Variants in MYT1 observed in about 807,000 individuals in gnomAD.
MYT1 encodes myelin transcription factor I.
A neutral mutation model predicts 123.0 loss-of-function variants in MYT1; 23 were observed. The observed-to-expected ratio is 0.19, with a 90% CI of 0.13 to 0.26. The LOEUF is 0.26. Ranked by LOEUF, MYT1 falls within the 10% of genes least tolerant of loss-of-function variation. The pLI, the probability that MYT1 is intolerant of heterozygous loss-of-function variation, is 1.00. For missense variants in MYT1, 1,125 were observed against 1,472.5 expected, an observed-to-expected ratio of 0.76 and a Z score of 3.86; for synonymous variants, 518 against 575.3, an observed-to-expected ratio of 0.90 and a Z score of 1.43.
At chr20:64,222,115 G>A in intron 14 of MYT1, 68 bp downstream of exon 14, 1 of 1,571,508 alleles carries the variant, frequency 6.4e-7, no homozygotes, top group Non-Finnish European at 8.7e-7. Context: ...ACAGGCCCTG[G>A]TCCCAACCCA....
rs867180594 is a variant in MYT1, at chr20:64,232,274, T to G, written c.2786T>G (p.Leu929Arg). Reference protein sequence around the residue: ...LAARRQKEGSLNGSSFSWKSL... With the variant: ...LAARRQKEGSRNGSSFSWKSL... ...GCCCGCAGGCAGAAGGAAGGGTCCC[T>G]CAATGGCTCGTCATTCTCCTGGAAG... Residue 929 changes from leucine to arginine, a missense_variant, in exon 19 of 23, where the codon CTC becomes CGC. Transcript: ENST00000328439. The surrounding 1 kb of genome is among the most constrained non-coding windows in gnomAD (Gnocchi z 6.9). 6.2e-7 allele frequency: 1 copy of G among 1,613,118 alleles called. No individual in the cohort carries two copies. The highest frequency in any genetic ancestry group is 1.1e-5 in the South Asian group (1 of 91,084).
At chr20:64,239,214 G>A (rs912148316) in intron 21 of MYT1, among the ~76,000 whole-genome samples, 1 of 152,218 alleles carries the variant, frequency 6.6e-6, no homozygotes, top group East Asian at 1.9e-4. Flanking sequence ...GTTGGCCTGG[G>A]GAAGTCGTGC....
intron 19 of MYT1, among the ~76,000 whole-genome samples, chr20:64,235,383 G>A (rs1984482988): frequency 7.8e-6 from 1 of 128,374 alleles, no homozygotes; most frequent in Non-Finnish European, 1.6e-5. Flanking sequence ...TGGGCTGGTG[G>A]TGGTGGGTGA....
intron 19 of MYT1, among the ~76,000 whole-genome samples, chr20:64,235,232 G>A (rs1272740118): frequency 4.7e-5 from 4 of 85,300 alleles, no homozygotes; most frequent in Admixed American, 3.6e-4. Flanking sequence ...GTGACCCGGG[G>A]CTGGCCGTGG....
In MYT1 at chr20:64,203,170, AGGCCCACCTTCCTGGG is replaced by A. The variant is rs963944628; in HGVS notation, c.87-1863_87-1848del. ...CTCTGAGGCTGGGGCCGGAAGGTGCAGGCCCACCTTCCTGGGGACCAGGACTCTTCTGAGCTGAGGG... is the reference window on the plus strand; with the variant it reads ...CTCTGAGGCTGGGGCCGGAAGGTGCAGACCAGGACTCTTCTGAGCTGAGGG... On this transcript the variant is annotated intron_variant, in intron 4 of 22. Transcript: ENST00000328439. This position sits in a 1 kb window ranked among gnomAD's most constrained non-coding sequence, Gnocchi z 5.1. Among the ~76,000 whole-genome samples the A allele has an allele frequency of 1.3e-5, 2 of 152,178 alleles. No individual in the cohort carries two copies. Among genetic ancestry groups the A allele is most frequent in the African/African-American group, 4.8e-5 (2 of 41,446 alleles).
Position 64,232,365 on chromosome 20 carries a change from G to A in MYT1, c.2877G>A (p.Gly959=). 6.2e-7 allele frequency: 1 copy of A among 1,613,022 alleles called. No individual in the cohort carries two copies. The highest frequency in any genetic ancestry group is 8.5e-7 in the Non-Finnish European group (1 of 1,179,980). ...PGCDGSGHAN[G]SFLTHRSLSG... is the part of the protein sequence containing the mutation. ...GTGACGGCTCTGGCCACGCCAATGG[G>A]AGTTTCCTCACCCACCGGAGGTAAC... Residue 959 remains glycine, a synonymous_variant, in exon 19 of 23, where the codon GGG becomes GGA. Coordinates refer to ENST00000328439, the MANE Select transcript of MYT1 (RefSeq NM_004535.3). This position sits in a 1 kb window ranked among gnomAD's most constrained non-coding sequence, Gnocchi z 6.9.
chr20:64,238,757 T>C (rs1984627885), intron 21 of MYT1, among the ~76,000 whole-genome samples: 1 of 151,958 alleles, frequency 6.6e-6, no homozygotes, highest in Non-Finnish European at 1.5e-5. Flanking sequence ...TCAGTGTCGT[T>C]GGGGTAGCAC....
chr20:64,210,395 G>T (rs531201191), intron 7 of MYT1, among the ~76,000 whole-genome samples: 1 of 152,368 alleles, frequency 6.6e-6, no homozygotes, highest in East Asian at 1.9e-4. Flanking sequence ...TGGGACAGGG[G>T]TGGCAAGCCC....
chr20:64,170,848 CATATATATATATATATATAT>C (rs1175817263), intron 1 of MYT1, among the ~76,000 whole-genome samples: 1 of 16,022 alleles, frequency 6.2e-5, no homozygotes, highest in Non-Finnish European at 1.1e-4. Flanking sequence ...ACAAATTGGT[CATATATATATATATATATAT>C]ATATATATAT....
At chr20:64,237,255 A>G (rs1199802697) in intron 20 of MYT1, 32 bp from the exon 21 acceptor site, 2 of 1,593,186 alleles carry the variant, frequency 1.3e-6, no homozygotes, top group Non-Finnish European at 1.7e-6. Context: ...CCTGAGGCCC[A>G]AAGCCACAAC....
At chr20:64,238,799 C>A (rs778177598) in intron 21 of MYT1, among the ~76,000 whole-genome samples, 41 of 152,216 alleles carry the variant, frequency 2.7e-4, no homozygotes, top group Non-Finnish European at 4.4e-5. Flanking sequence ...CAAAACCAAT[C>A]TTTTTAAAGA....
chr20:64,240,190 G>A (rs988655675), intron 22 of MYT1, 130 bp from the exon 23 acceptor site: 9 of 1,334,350 alleles, frequency 6.7e-6, no homozygotes, highest in Middle Eastern at 2.2e-4. Context: ...GGAACGCCCA[G>A]TGCTGCCTCT....
chr20:64,207,681 G>A lies in MYT1; in HGVS notation c.485G>A (p.Gly162Glu), dbSNP rs775071272. The A allele has an allele frequency of 6.2e-7, 1 of 1,614,068 alleles. No individual in the cohort carries two copies. The highest frequency in any genetic ancestry group is 1.1e-5 in the South Asian group (1 of 91,084). ...SSKGSYSSYQ[G>E]IIATSLLNLG... ...AAGGGCAGCTACAGCAGCTACCAGG[G>A]AATCATCGCAACTTCTCTCCTGAAC... Residue 162 changes from glycine to glutamate, a missense_variant, in exon 7 of 23, where the codon GGA becomes GAA. Transcript: ENST00000328439.
In MYT1 at chr20:64,211,318, C is replaced by G. The variant is rs1456072412; in HGVS notation, c.1404C>G (p.His468Gln). The G allele has an allele frequency of 1.5e-5, 24 of 1,613,650 alleles. No individual in the cohort carries two copies. Among genetic ancestry groups the G allele is most frequent in the Non-Finnish European group, 2.0e-5 (24 of 1,179,744 alleles). The change falls in exon 8 of 23, where the codon CAC (histidine) becomes CAG (glutamine). Residue 468 changes from histidine to glutamine, a missense_variant. By Grantham distance (24) the His-to-Gln change is conservative. This residue lies in a region of MYT1 where 429 missense variants were observed against 604.1 expected (regional missense o/e 0.71). Coordinates refer to ENST00000328439, the MANE Select transcript of MYT1 (RefSeq NM_004535.3). ...ACCGCAGCCTTTCTGGCTGTCCCCA[C>G]AAGGATAGGATCCCCCCAGAGAGTG... is the stretch of plus-strand genomic sequence containing the variant. Reference protein sequence around the residue: ...PHHRSLSGCPHKDRIPPEILA... With the variant: ...PHHRSLSGCPQKDRIPPEILA...
In MYT1 at chr20:64,207,824, G is replaced by A. The variant is rs1279083553; in HGVS notation, c.628G>A (p.Gly210Ser). ...TGCAGAGGGAGCTGCCAGCGAGGAG[G>A]GTGAAAAGGGCCTCTTCATCCAGCC... ...EAAEGAASEEGEKGLFIQPED... is the reference protein window; with the variant it reads ...EAAEGAASEESEKGLFIQPED... Residue 210 changes from glycine to serine, a missense_variant, in exon 7 of 23, where the codon GGT (glycine) becomes AGT (serine). Transcript: ENST00000328439. 1 of 1,613,756 alleles carries A rather than the reference G, an allele frequency of 6.2e-7. No homozygotes were observed. Among genetic ancestry groups the A allele is most frequent in the Non-Finnish European group, 8.5e-7 (1 of 1,179,920 alleles).
At chr20:64,223,019 G>A in intron 14 of MYT1, 92 bp from the exon 15 acceptor site, 3 of 1,450,302 alleles carry the variant, frequency 2.1e-6, no homozygotes, top group Non-Finnish European at 2.9e-6. Flanking sequence ...GGTGAGCCAG[G>A]AGTGGGCACC....
In MYT1 at chr20:64,186,274, G is replaced by A. The variant is rs1568700833; in HGVS notation, c.-98-3789G>A. On this transcript the variant is annotated intron_variant, in intron 1 of 22. Transcript: ENST00000328439. This position sits in a 1 kb window ranked among gnomAD's most constrained non-coding sequence, Gnocchi z 4.3. The stretch of plus-strand genomic sequence containing the variant: ...TCCCTAGAGAGGGGTCCCAGCCAGC[G>A]CCGCCCTCTGGGTGCCGGGAGCTGA... 2.0e-5 allele frequency among the ~76,000 whole-genome samples: 3 copies of A among 152,156 alleles called. No individual in the cohort carries two copies. Among genetic ancestry groups the A allele is most frequent in the East Asian group, 1.9e-4 (1 of 5,192 alleles).
At chr20:64,236,092 A>C (rs1252714206) in intron 19 of MYT1, among the ~76,000 whole-genome samples, 17 of 40,008 alleles carry the variant, frequency 4.2e-4, no homozygotes, top group Admixed American at 1.0e-3. Flanking sequence ...TGACCCTGGG[A>C]TGGCCGTGGT....
rs1248733653 is a variant in MYT1, at chr20:64,212,843, T to G, written c.1518-691T>G. Among the ~76,000 whole-genome samples the G allele has an allele frequency of 6.6e-6, 1 of 152,164 alleles. No individual in the cohort carries two copies. Among genetic ancestry groups the G allele is most frequent in the East Asian group, 1.9e-4 (1 of 5,200 alleles). ...TTACCCTAAGTGCCATGGGTGGCCG[T>G]GGCCTCGGTGGGATATGCTTTCCCC... On this transcript the variant is annotated intron_variant, in intron 9 of 22. Transcript: ENST00000328439. This position sits in a 1 kb window ranked among gnomAD's most constrained non-coding sequence, Gnocchi z 6.8.
Sources: allele counts gnomAD v4.1 joint callset (sites outside exome capture counted in the v4.1 genomes callset), GRCh38; gene constraint gnomAD v4.1.1; regional missense constraint gnomAD v4.1.1; non-coding constraint Gnocchi (gnomAD v3.1); transcripts MANE v1.5; gene names NCBI Gene and HGNC (gene_info 2026-07-23, HGNC 2026-07-21).